The following RGS5 variants were observed in gnomAD, a reference collection of about 807,000 sequenced individuals.
RGS5 encodes regulator of G protein signaling 5, also known as regulator of G-protein signalling 5.
A neutral mutation model predicts 18.9 loss-of-function variants in RGS5; 20 were observed. The ratio of observed to expected loss-of-function variants is 1.06; its 90% CI spans 0.74 to 1.54. The LOEUF (loss-of-function observed/expected upper bound fraction) is 1.54, where lower values mean the gene tolerates loss of function less well. Ranked by LOEUF, RGS5 falls within the 40% of genes most tolerant of loss-of-function variation. RGS5 has a pLI of 0.00. For synonymous variants in RGS5, 57 were observed against 76.2 expected (o/e 0.75, Z 1.31); for missense variants, 201 against 211.8 (o/e 0.95, Z 0.32).
upstream of RGS5, chr1:163,203,174 G>C (rs1237517952): frequency 1.1e-5 from 2 of 190,468 alleles, no homozygotes; most frequent in East Asian, 2.6e-4. Context: ...TTGGTTGTTT[G>C]AACTCCTAAT....
intron 2 of RGS5, among the ~76,000 whole-genome samples, chr1:163,163,257 T>G (rs1657888910): frequency 6.6e-6 from 1 of 152,220 alleles, no homozygotes; most frequent in African/African-American, 2.4e-5. Context: ...GAGTCCTGAT[T>G]ATATGATTTT....
chr1:163,287,874 T>A (rs1649182930), intron 2 of RGS5, among the ~76,000 whole-genome samples: 1 of 152,216 alleles, frequency 6.6e-6, no homozygotes, highest in Non-Finnish European at 1.5e-5. Context: ...CTTTATATTT[T>A]AAGGTTTCCT....
intron 1 of RGS5, among the ~76,000 whole-genome samples, chr1:163,312,465 AAGTGGT>A (rs1469667453): frequency 2.0e-5 from 3 of 152,198 alleles, no homozygotes; most frequent in African/African-American, 4.8e-5. Context: ...CTGGTGAAAG[AAGTGGT>A]AGCTGAACTA....
intron 1 of RGS5, among the ~76,000 whole-genome samples, chr1:163,195,429 G>C (rs556118561): frequency 6.6e-6 from 1 of 151,684 alleles, no homozygotes; most frequent in South Asian, 2.1e-4. Flanking sequence ...CAGGGGGCAA[G>C]GGTGAAAGGG....
intron 2 of RGS5, among the ~76,000 whole-genome samples, chr1:163,276,945 A>G (rs965168739): frequency 1.4e-4 from 21 of 152,204 alleles, no homozygotes; most frequent in African/African-American, 4.6e-4. Flanking sequence ...GGAGTCAGAC[A>G]TGCTTCATTA....
intron 2 of RGS5, among the ~76,000 whole-genome samples, chr1:163,245,484 G>T (rs145351635): frequency 1.6e-3 from 237 of 152,148 alleles, no homozygotes; most frequent in African/African-American, 5.3e-3. Context: ...ACATCATTTT[G>T]CTTTCATAAA....
intron 2 of RGS5, among the ~76,000 whole-genome samples, chr1:163,246,443 C>T (rs1293260925): frequency 1.3e-5 from 2 of 151,536 alleles, no homozygotes; most frequent in Non-Finnish European, 2.9e-5. Context: ...CAGTGGCGTG[C>T]ACCTGTAGTC....
upstream of RGS5, among the ~76,000 whole-genome samples, chr1:163,206,518 C>T (rs1448438989): frequency 2.0e-5 from 3 of 152,090 alleles, no homozygotes; most frequent in East Asian, 1.9e-4. Flanking sequence ...ATGATCTGAA[C>T]GTTTCCCTCA....
At chr1:163,195,160 G>C (rs1318115424) in intron 1 of RGS5, among the ~76,000 whole-genome samples, 3 of 152,196 alleles carry the variant, frequency 2.0e-5, no homozygotes, top group Non-Finnish European at 4.4e-5. Flanking sequence ...ACCATTTGCA[G>C]TTGCAAAGAT....
chr1:163,174,296 T>A (rs1342277931), intron 1 of RGS5, among the ~76,000 whole-genome samples: 1 of 152,182 alleles, frequency 6.6e-6, no homozygotes. Flanking sequence ...AAGTGTCAGG[T>A]CCCCAAGAGC....
At chr1:163,286,084 T>C (rs929594985) in intron 2 of RGS5, among the ~76,000 whole-genome samples, 5 of 151,798 alleles carry the variant, frequency 3.3e-5, no homozygotes, top group South Asian at 2.1e-4. Flanking sequence ...GTGTTCCGCG[T>C]CTGGGGATTC....
chr1:163,202,588 T>C (rs763214411), intron 1 of RGS5, among the ~76,000 whole-genome samples: 1 of 152,216 alleles, frequency 6.6e-6, no homozygotes, highest in Non-Finnish European at 1.5e-5. Context: ...TGAAATACTC[T>C]ATATTGTATT....
chr1:163,162,368 T>C (rs533097801), intron 2 of RGS5, among the ~76,000 whole-genome samples: 3 of 152,280 alleles, frequency 2.0e-5, no homozygotes, highest in African/African-American at 7.2e-5. Context: ...GTTCTCTGCC[T>C]CACCAATACT....
intron 2 of RGS5, among the ~76,000 whole-genome samples, chr1:163,279,587 A>G (rs1486286823): frequency 6.6e-6 from 1 of 152,048 alleles, no homozygotes; most frequent in East Asian, 1.9e-4. Context: ...ATTTCAAATA[A>G]ACAAGGCACC....
intron 1 of RGS5, among the ~76,000 whole-genome samples, chr1:163,213,240 A>G (rs747946482): frequency 4.6e-5 from 7 of 152,216 alleles, no homozygotes; most frequent in Non-Finnish European, 7.3e-5. Flanking sequence ...TTTCCAAAAA[A>G]AAAGAAAACT....
At chr1:163,160,950 T>A (rs1657774234) in intron 3 of RGS5, among the ~76,000 whole-genome samples, 1 of 152,224 alleles carries the variant, frequency 6.6e-6, no homozygotes. Context: ...TTTGTGAGTT[T>A]ATAACCTATC....
At chr1:163,310,201 TAA>T (rs750569673) in intron 1 of RGS5, among the ~76,000 whole-genome samples, 56 of 152,264 alleles carry the variant, frequency 3.7e-4, no homozygotes, top group Middle Eastern at 3.4e-3. Flanking sequence ...GGCCTCAACT[TAA>T]AGTCACCAGT....
chr1:163,209,293 G>A (rs1326319954), intron 1 of RGS5, among the ~76,000 whole-genome samples: 2 of 152,016 alleles, frequency 1.3e-5, no homozygotes, highest in Non-Finnish European at 2.9e-5. Flanking sequence ...TTGTCCTTTC[G>A]ATTACCAGTA....
At chr1:163,306,478 C>T (rs1036983063) in intron 1 of RGS5, 2 of 152,088 alleles carry the variant, frequency 1.3e-5, no homozygotes, top group African/African-American at 4.8e-5. Context: ...GTATATTTGC[C>T]CTGGTTTGAG....
Sources: allele counts gnomAD v4.1 joint callset (sites outside exome capture counted in the v4.1 genomes callset), GRCh38; gene constraint gnomAD v4.1.1; transcripts MANE v1.5; gene names NCBI Gene and HGNC (gene_info 2026-07-23, HGNC 2026-07-21).